Variants in RGS7 observed in about 807,000 individuals in gnomAD.
RGS7 encodes the protein regulator of G-protein signaling 7.
RGS7 carries 27 observed loss-of-function variants against 81.1 expected under a neutral mutation model. The ratio of observed to expected loss-of-function variants is 0.33; its 90% CI spans 0.25 to 0.46. The LOEUF is 0.46. Ranked by LOEUF, RGS7 falls within the 20% of genes least tolerant of loss-of-function variation. The pLI is 1.00. For missense variants in RGS7, 396 were observed against 607.4 expected (o/e 0.65, Z 3.66); for synonymous variants, 208 against 207.7 (o/e 1.00, Z -0.01).
At chr1:240,932,905 A>G (rs1322683658) in intron 5 of RGS7, among the ~76,000 whole-genome samples, 18 of 88,130 alleles carry the variant, frequency 2.0e-4, no homozygotes, top group Non-Finnish European at 3.2e-4. Context: ...TTTTTTTGAG[A>G]CAGAGTCTCG....
intron 3 of RGS7, among the ~76,000 whole-genome samples, chr1:241,029,898 C>A (rs10926398): frequency 0.2 from 29,869 of 152,056 alleles, 3,998 homozygotes; most frequent in African/African-American, 0.37. Context: ...GTGATATTTG[C>A]CTTTTTAAAA....
At chr1:240,839,590 G>A (rs1208136296) in intron 9 of RGS7, among the ~76,000 whole-genome samples, 2 of 152,156 alleles carry the variant, frequency 1.3e-5, no homozygotes, top group Non-Finnish European at 2.9e-5. Flanking sequence ...CTAAGAAAGA[G>A]GATGGCATAC....
In RGS7 at chr1:241,164,137, A is replaced by G. The variant is rs2069971109; in HGVS notation, c.79-65375T>C. Among the ~76,000 whole-genome samples the G allele has an allele frequency of 6.6e-6, 1 of 152,130 alleles. No individual in the cohort carries two copies. The highest frequency in any genetic ancestry group is 1.5e-5 in the Non-Finnish European group (1 of 68,038). On this transcript the variant is annotated intron_variant, in intron 2 of 18. Coordinates refer to ENST00000440928, the MANE Select transcript of RGS7 (RefSeq NM_001364886.1). The surrounding 1 kb of genome is among the most constrained non-coding windows in gnomAD (Gnocchi z 4.1). ...TGGTTTATTATAAAGGATATTACAA[A>G]GGATACAGGTGAAGAGATGCATAGG...
Position 240,813,689 on chromosome 1 carries a change from C to G in RGS7, c.885G>C (p.Pro295=), listed in dbSNP as rs756459655. ...SYTEQYLEYD[P]FLLPPDPSNP... is the part of the protein sequence containing the mutation. ...TAGAAGGGTCAGGTGGCAAAAGAAACGGGTCGTATTCTAAATACTGTTCCG... is the reference window on the plus strand; with the variant it reads ...TAGAAGGGTCAGGTGGCAAAAGAAAGGGGTCGTATTCTAAATACTGTTCCG... Residue 295 remains proline (P), a synonymous_variant, in exon 13 of 19, where the codon CCG becomes CCC. Transcript: ENST00000440928. 6.2e-7 allele frequency: 1 copy of G among 1,613,492 alleles called. No individual in the cohort carries two copies. Among genetic ancestry groups the G allele is most frequent in the Non-Finnish European group, 8.5e-7 (1 of 1,179,564 alleles).
intron 2 of RGS7, among the ~76,000 whole-genome samples, chr1:241,146,896 T>C (rs1026475703): frequency 2.0e-5 from 3 of 152,150 alleles, no homozygotes; most frequent in Non-Finnish European, 4.4e-5. Context: ...ATCTCATTCA[T>C]AAAGGCTCTA....
At chr1:241,026,521 G>A (rs567340181) in intron 3 of RGS7, among the ~76,000 whole-genome samples, 3 of 151,834 alleles carry the variant, frequency 2.0e-5, no homozygotes, top group Non-Finnish European at 2.9e-5. Context: ...CCTGGGAGGC[G>A]GACGTTGCAG....
At chr1:241,314,688 A>G (rs1223283165) in intron 2 of RGS7, among the ~76,000 whole-genome samples, 3 of 152,216 alleles carry the variant, frequency 2.0e-5, no homozygotes, top group Admixed American at 1.3e-4. Flanking sequence ...AATCAGAAAT[A>G]TATAAATTCC....
intron 3 of RGS7, among the ~76,000 whole-genome samples, chr1:241,070,900 T>C (rs780772484): frequency 7.9e-5 from 12 of 152,188 alleles, no homozygotes; most frequent in African/African-American, 2.4e-4. Flanking sequence ...AATATGTCCA[T>C]TGCTTCTCAG....
chr1:240,816,508 G>A, intron 10 of RGS7, 93 bp from the exon 11 acceptor site: 1 of 802,628 alleles, frequency 1.2e-6, no homozygotes, highest in Non-Finnish European at 2.2e-6. Context: ...ATTCAGTAAG[G>A]TCTCTCAAAG....
chr1:241,324,464 A>G (rs2081384178), intron 2 of RGS7, among the ~76,000 whole-genome samples: 1 of 152,164 alleles, frequency 6.6e-6, no homozygotes, highest in Non-Finnish European at 1.5e-5. Flanking sequence ...TCATGCACTC[A>G]TTCCCTTCAT....
In RGS7 at chr1:240,868,832, C is replaced by G; in HGVS notation, c.471G>C (p.Gln157His). Residue 157 changes from glutamine to histidine, a missense_variant, in exon 8 of 19, where the codon CAG becomes CAC. Physicochemically the swap from Gln to His is conservative, Grantham distance 24. Coordinates refer to ENST00000440928, the MANE Select transcript of RGS7 (RefSeq NM_001364886.1). The surrounding 1 kb of genome is among the most constrained non-coding windows in gnomAD (Gnocchi z 5.1). ...DYEAESLARLQRAFARKWEFI... is the reference protein window; with the variant it reads ...DYEAESLARLHRAFARKWEFI... Reference sequence around the variant, plus strand: ...ACTCCCACTTCCGGGCAAATGCTCTCTGCAGCCTGGCCAGGCTCTCCTGAA... The same window carrying G: ...ACTCCCACTTCCGGGCAAATGCTCTGTGCAGCCTGGCCAGGCTCTCCTGAA... 1 of 1,614,052 alleles carries G rather than the reference C, an allele frequency of 6.2e-7. No homozygotes were observed. The highest frequency in any genetic ancestry group is 8.5e-7 in the Non-Finnish European group (1 of 1,180,000).
intron 9 of RGS7, among the ~76,000 whole-genome samples, chr1:240,852,013 C>T (rs903840675): frequency 3.3e-5 from 5 of 152,210 alleles, no homozygotes; most frequent in East Asian, 1.9e-4. Flanking sequence ...GTTGATAAAA[C>T]GAGGACAGGG....
At chr1:241,031,310 T>G (rs1388924804) in intron 3 of RGS7, among the ~76,000 whole-genome samples, 3 of 152,188 alleles carry the variant, frequency 2.0e-5, no homozygotes, top group Non-Finnish European at 2.9e-5. Context: ...ATTATATATT[T>G]TTATGGACCA....
chr1:241,249,996 C>T (rs2076751265), intron 2 of RGS7, among the ~76,000 whole-genome samples: 1 of 151,872 alleles, frequency 6.6e-6, no homozygotes, highest in Admixed American at 6.6e-5. Context: ...ATATGTAAAA[C>T]CAATCACATG....
intron 3 of RGS7, among the ~76,000 whole-genome samples, chr1:241,003,571 T>C (rs1385651632): frequency 6.6e-6 from 1 of 152,086 alleles, no homozygotes; most frequent in Non-Finnish European, 1.5e-5. Context: ...GAGGACTTGG[T>C]TGGGAAGGAT....
intron 2 of RGS7, among the ~76,000 whole-genome samples, chr1:241,326,041 C>T (rs918242597): frequency 6.6e-6 from 1 of 152,148 alleles, no homozygotes; most frequent in African/African-American, 2.4e-5. Context: ...TTGCTTCACC[C>T]AGCAAAGGTC....
intron 6 of RGS7, among the ~76,000 whole-genome samples, chr1:240,921,038 G>T (rs1673443183): frequency 6.6e-6 from 1 of 151,978 alleles, no homozygotes; most frequent in Non-Finnish European, 1.5e-5. Flanking sequence ...TTCCTTCAGG[G>T]TGATGCCAGG....
At chr1:241,244,836 C>G (rs2076439369) in intron 2 of RGS7, among the ~76,000 whole-genome samples, 1 of 151,808 alleles carries the variant, frequency 6.6e-6, no homozygotes, top group Non-Finnish European at 1.5e-5. Context: ...AACCATTATT[C>G]TCAGCAAACT....
intron 3 of RGS7, among the ~76,000 whole-genome samples, chr1:241,001,449 C>T (rs1688131777): frequency 6.6e-6 from 1 of 151,844 alleles, no homozygotes; most frequent in South Asian, 2.1e-4. Context: ...AATTAAGATA[C>T]AAAACCTAGC....
Sources: gnomAD v4.1 joint callset for allele counts (sites outside exome capture counted in the v4.1 genomes callset) on GRCh38, gnomAD v4.1.1 for gene constraint, Gnocchi (gnomAD v3.1) non-coding constraint, MANE v1.5 for transcripts, NCBI Gene and HGNC (gene_info 2026-07-23, HGNC 2026-07-21) for gene names.